The following DMD variants were observed in gnomAD, a reference collection of about 807,000 sequenced individuals.
The protein encoded by DMD is dystrophin, also known as mutant dystrophin.
Under a neutral mutation model 330.1 loss-of-function variants are expected in DMD, and 63 were observed. The observed-to-expected ratio is 0.19, with a 90% CI of 0.16 to 0.24. The LOEUF (loss-of-function observed/expected upper bound fraction) is 0.24, where lower values mean the gene tolerates loss of function less well. DMD is among the 10% of genes least tolerant of loss of function. The probability of loss-of-function intolerance (pLI) is 1.00; values close to 1 mark genes in which losing one functional copy is unlikely to be tolerated. For synonymous variants in DMD, 1,223 were observed against 959.8 expected (o/e 1.27, Z -5.07); for missense variants, 3,344 against 2,684.1 (o/e 1.25, Z -5.43).
At chrX:31,162,618 C>T (rs898619191) in intron 74 of DMD, among the ~76,000 whole-genome samples, 2 of 108,046 alleles carry the variant, frequency 1.9e-5, no homozygotes, top group Non-Finnish European at 3.8e-5. Flanking sequence ...TGCTGTGTGC[C>T]GAAAAAATGA....
chrX:32,554,237 C>A (rs1267606582), intron 16 of DMD, among the ~76,000 whole-genome samples: 1 of 111,200 alleles, frequency 9.0e-6, no homozygotes, highest in Admixed American at 9.6e-5. Flanking sequence ...AAACCAAGAG[C>A]AAACAAACAA....
chrX:32,523,190 C>A (rs188407547), intron 17 of DMD, among the ~76,000 whole-genome samples: 3 of 111,185 alleles, frequency 2.7e-5, no homozygotes, highest in African/African-American at 9.8e-5. Flanking sequence ...GGCACTTTGG[C>A]ATGCTGAAAC....
intron 60 of DMD, among the ~76,000 whole-genome samples, chrX:31,414,071 T>C: frequency 8.9e-6 from 1 of 111,740 alleles, no homozygotes; most frequent in East Asian, 2.8e-4. Context: ...TGGAGTGCAG[T>C]GGTGCAATAT....
At chrX:32,321,660 AAAC>A (rs754457523) in intron 41 of DMD, among the ~76,000 whole-genome samples, 3 of 111,670 alleles carry the variant, frequency 2.7e-5, no homozygotes, top group Admixed American at 9.6e-5. Flanking sequence ...CATCAGATCA[AAAC>A]AACAACAACA....
chrX:32,672,325 A>T (rs959898604), intron 9 of DMD, among the ~76,000 whole-genome samples: 13 of 111,101 alleles, frequency 1.2e-4, no homozygotes, highest in African/African-American at 4.2e-4. Flanking sequence ...TTCCAAGAAA[A>T]AATAGAGCAT....
At chrX:31,221,735 A>G (rs1344148596) in intron 64 of DMD, among the ~76,000 whole-genome samples, 2 of 112,957 alleles carry the variant, frequency 1.8e-5, no homozygotes, top group Non-Finnish European at 3.7e-5. Flanking sequence ...ATCCCTTGTT[A>G]GACTGTAAGT....
At chrX:32,275,032 A>T (rs183240890) in intron 43 of DMD, among the ~76,000 whole-genome samples, 2 of 109,832 alleles carry the variant, frequency 1.8e-5, no homozygotes, top group East Asian at 2.9e-4. Flanking sequence ...GCTCACAATC[A>T]CTCTCTCAGT....
chrX:32,438,986 C>T (rs1355045217), intron 28 of DMD, among the ~76,000 whole-genome samples: 1 of 111,132 alleles, frequency 9.0e-6, no homozygotes, highest in African/African-American at 3.3e-5. Context: ...TGAGCTTAAA[C>T]CGTTGTCTGA....
chrX:32,014,339 G>T (rs1250970617), intron 44 of DMD, among the ~76,000 whole-genome samples: 1 of 104,464 alleles, frequency 9.6e-6, no homozygotes, highest in African/African-American at 3.8e-5. Context: ...TACTTTAGGT[G>T]ATATGTATGA....
intron 33 of DMD, among the ~76,000 whole-genome samples, chrX:32,385,743 G>A (rs1271758646): frequency 9.1e-6 from 1 of 110,293 alleles, no homozygotes; most frequent in East Asian, 2.8e-4. Context: ...AATAATTACA[G>A]AGACGTAGGT....
At chrX:31,583,545 T>C (rs374568664) in intron 55 of DMD, among the ~76,000 whole-genome samples, 1 of 110,897 alleles carries the variant, frequency 9.0e-6, no homozygotes, top group Non-Finnish European at 1.9e-5. Flanking sequence ...GTAGGAGTAA[T>C]AGCCAGATAA....
chrX:31,432,414 A>T (rs2064155936), intron 60 of DMD, among the ~76,000 whole-genome samples: 1 of 112,351 alleles, frequency 8.9e-6, no homozygotes, highest in Non-Finnish European at 1.9e-5. Context: ...AGTCAAGTTC[A>T]GAAAAGTGAG....
intron 20 of DMD, among the ~76,000 whole-genome samples, chrX:32,486,463 T>C (rs1603634647): frequency 9.0e-6 from 1 of 111,331 alleles, no homozygotes; most frequent in African/African-American, 3.3e-5. Context: ...GTATTTCTTT[T>C]GGACAATGAC....
chrX:32,205,005 T>TCTCTCACACACACA (rs60181300), intron 44 of DMD, among the ~76,000 whole-genome samples: 4 of 29,214 alleles, frequency 1.4e-4, no homozygotes, highest in African/African-American at 2.3e-4. Context: ...TCTCTCTCTC[T>TCTCTCACACACACA]CACATACACA....
At chrX:33,110,124 G>A (rs2095328446) in intron 1 of DMD, among the ~76,000 whole-genome samples, 2 of 110,847 alleles carry the variant, frequency 1.8e-5, no homozygotes, top group African/African-American at 6.6e-5. Flanking sequence ...AAACAATCAC[G>A]TGTGCTTCAA....
chrX:31,877,839 T>A (rs750537851), intron 47 of DMD, among the ~76,000 whole-genome samples: 14 of 112,007 alleles, frequency 1.2e-4, no homozygotes, highest in East Asian at 8.5e-4. Flanking sequence ...TTTTATTGGA[T>A]CATTTTCTAC....
intron 62 of DMD, among the ~76,000 whole-genome samples, chrX:31,300,937 A>G (rs1348235568): frequency 8.9e-6 from 1 of 112,364 alleles, no homozygotes; most frequent in East Asian, 2.8e-4. Flanking sequence ...TCATCAGTCC[A>G]TCAGAGAAAT....
At chrX:32,555,384 A>G (rs1416386046) in intron 16 of DMD, among the ~76,000 whole-genome samples, 1 of 111,965 alleles carries the variant, frequency 8.9e-6, no homozygotes, top group African/African-American at 3.2e-5. Context: ...CTGGCCCAAG[A>G]TAAGGATGCC....
At chrX:31,190,083 G>A (rs982637993) in intron 67 of DMD, among the ~76,000 whole-genome samples, 3 of 111,941 alleles carry the variant, frequency 2.7e-5, no homozygotes, top group Non-Finnish European at 5.6e-5. Context: ...TCTCTAGGTC[G>A]GTGGTTCTCA....
Sources: allele counts gnomAD v4.1 joint callset (sites outside exome capture counted in the v4.1 genomes callset), GRCh38; gene constraint gnomAD v4.1.1; transcripts MANE v1.5; gene names NCBI Gene and HGNC (gene_info 2026-07-23, HGNC 2026-07-21).